The following RBFOX2 variants were observed in gnomAD, a reference collection of about 807,000 sequenced individuals.
RBFOX2 encodes RNA binding protein fox-1 homolog 2.
Under a neutral mutation model 49.1 loss-of-function variants are expected in RBFOX2, and 10 were observed. The observed-to-expected ratio is 0.20, with a 90% CI of 0.13 to 0.35. RBFOX2 has a LOEUF of 0.35. RBFOX2 is among the 10% of genes least tolerant of loss of function. The probability of loss-of-function intolerance (pLI) is 1.00; values close to 1 mark genes in which losing one functional copy is unlikely to be tolerated. For synonymous variants in RBFOX2, 183 were observed against 187.4 expected, an observed-to-expected ratio of 0.98 and a Z score of 0.19; for missense variants, 323 against 486.9, an observed-to-expected ratio of 0.66 and a Z score of 3.17.
intron 1 of RBFOX2, among the ~76,000 whole-genome samples, chr22:35,828,519 G>C (rs1243313393): frequency 6.6e-6 from 1 of 152,174 alleles, no homozygotes; most frequent in Non-Finnish European, 1.5e-5. Context: ...AGTGATGACT[G>C]CCACATCTAT....
chr22:35,954,551 G>C (rs2055330945), intron 1 of RBFOX2, among the ~76,000 whole-genome samples: 1 of 152,150 alleles, frequency 6.6e-6, no homozygotes, highest in Non-Finnish European at 1.5e-5. Flanking sequence ...TTTCTTACCA[G>C]GGCCAGGGTT....
chr22:35,927,024 A>G (rs1480554397), intron 1 of RBFOX2, among the ~76,000 whole-genome samples: 1 of 152,218 alleles, frequency 6.6e-6, no homozygotes. Flanking sequence ...CATTCACAGA[A>G]AGCTGAGTCT....
chr22:35,842,705 G>GC (rs1203542467), upstream of RBFOX2, among the ~76,000 whole-genome samples: 2 of 150,582 alleles, frequency 1.3e-5, no homozygotes. Flanking sequence ...AATGTCCCCC[G>GC]CCCCCATCCT....
intron 1 of RBFOX2, among the ~76,000 whole-genome samples, chr22:36,026,602 A>C (rs2146612165): frequency 6.6e-6 from 1 of 152,116 alleles, no homozygotes; most frequent in Non-Finnish European, 1.5e-5. Flanking sequence ...CAGCACCTAC[A>C]TCCAGTCTTC....
chr22:35,902,808 C>G (rs900348610), intron 1 of RBFOX2, among the ~76,000 whole-genome samples: 6 of 136,370 alleles, frequency 4.4e-5, no homozygotes, highest in African/African-American at 1.9e-4. Flanking sequence ...CCACGCCCAG[C>G]TAATTAAAAA....
chr22:35,885,634 A>C (rs1232033688), intron 1 of RBFOX2, among the ~76,000 whole-genome samples: 2 of 152,070 alleles, frequency 1.3e-5, no homozygotes, highest in Non-Finnish European at 2.9e-5. Context: ...ACTCAGGAAA[A>C]ATAATTTGAC....
chr22:35,739,499 T>G (rs1029574241), exon 12 of RBFOX2: 1 of 152,256 alleles, frequency 6.6e-6, no homozygotes, highest in African/African-American at 2.4e-5. Context: ...AAAAAGAGGA[T>G]CAATTCATCA....
At chr22:35,905,547 A>G (rs1237633254) in intron 1 of RBFOX2, among the ~76,000 whole-genome samples, 1 of 152,212 alleles carries the variant, frequency 6.6e-6, no homozygotes, top group Non-Finnish European at 1.5e-5. Flanking sequence ...TAAAGAAGGG[A>G]AAATCCTCTC....
intron 2 of RBFOX2, among the ~76,000 whole-genome samples, chr22:35,785,562 G>C (rs1276398828): frequency 1.3e-5 from 2 of 152,190 alleles, no homozygotes; most frequent in Admixed American, 6.5e-5. Context: ...TTCTGGCTCA[G>C]AGATGTTGGC....
At chr22:35,843,602 C>G (rs2040793678), upstream of RBFOX2, among the ~76,000 whole-genome samples, 1 of 152,134 alleles carries the variant, frequency 6.6e-6, no homozygotes, top group Non-Finnish European at 1.5e-5. Context: ...TTTGGCATTC[C>G]CTCCTTTGGG....
intron 1 of RBFOX2, among the ~76,000 whole-genome samples, chr22:35,981,369 G>C (rs1046615042): frequency 6.6e-6 from 1 of 152,102 alleles, no homozygotes; most frequent in African/African-American, 2.4e-5. Flanking sequence ...TCAGCCAGGC[G>C]TGGTGGCTCA....
At chr22:35,900,672 C>A (rs1252085616) in intron 1 of RBFOX2, among the ~76,000 whole-genome samples, 1 of 151,690 alleles carries the variant, frequency 6.6e-6, no homozygotes, top group Non-Finnish European at 1.5e-5. Flanking sequence ...GGGATTCCCA[C>A]AGGGCAATCT....
chr22:35,873,391 G>A (rs2044612244), intron 1 of RBFOX2, among the ~76,000 whole-genome samples: 1 of 152,044 alleles, frequency 6.6e-6, no homozygotes, highest in African/African-American at 2.4e-5. Context: ...CTCCCAAAGT[G>A]CTGAGATTAC....
chr22:36,014,540 A>G (rs531055599), intron 1 of RBFOX2, among the ~76,000 whole-genome samples: 2 of 152,354 alleles, frequency 1.3e-5, no homozygotes, highest in East Asian at 1.9e-4. Flanking sequence ...CGGGGATACC[A>G]AAGTATTTAC....
intron 1 of RBFOX2, among the ~76,000 whole-genome samples, chr22:35,878,600 G>T (rs1311111218): frequency 6.6e-6 from 1 of 152,080 alleles, no homozygotes; most frequent in East Asian, 1.9e-4. Context: ...ACCAACCCTG[G>T]CTAATTTTTA....
At chr22:36,013,638 C>CAG (rs1424133636) in intron 1 of RBFOX2, among the ~76,000 whole-genome samples, 19 of 148,586 alleles carry the variant, frequency 1.3e-4, no homozygotes, top group African/African-American at 2.6e-4. Context: ...CACACACACA[C>CAG]ACACACACAC....
chr22:35,973,946 C>T lies in RBFOX2; in HGVS notation c.187-35049G>A, dbSNP rs186420253. ...ACGCTGGCAAGACTTCAAACACATT[C>T]GGAGAGAAATTAAGACTACATGAGG... On this transcript the variant is annotated intron_variant, in intron 1 of 13. Coordinates refer to the RBFOX2 transcript ENST00000438146. Among the ~76,000 whole-genome samples, 43 of 152,278 alleles carry T rather than the reference C, an allele frequency of 2.8e-4. No homozygotes were observed. In the East Asian group the frequency reaches 7.7e-3, roughly 27 times the overall value.
chr22:35,798,367 T>C (rs532449194), intron 2 of RBFOX2, among the ~76,000 whole-genome samples: 4 of 152,358 alleles, frequency 2.6e-5, no homozygotes, highest in African/African-American at 9.6e-5. Flanking sequence ...AGCACAGTAA[T>C]GTGCACATGA....
intron 1 of RBFOX2, among the ~76,000 whole-genome samples, chr22:35,990,484 G>C (rs2057928928): frequency 1.3e-5 from 2 of 152,140 alleles, no homozygotes; most frequent in African/African-American, 4.8e-5. Flanking sequence ...AGGCAGTGGG[G>C]GTAATTAAAT....
Sources: gnomAD v4.1 joint callset for allele counts (sites outside exome capture counted in the v4.1 genomes callset) on GRCh38, gnomAD v4.1.1 for gene constraint, MANE v1.5 for transcripts, NCBI Gene and HGNC (gene_info 2026-07-23, HGNC 2026-07-21) for gene names.